UPP2: variants seen among roughly 807,000 people sequenced by gnomAD.
UPP2 encodes the protein UPase 2.
A neutral mutation model predicts 26.7 loss-of-function variants in UPP2; 23 were observed. The observed-to-expected ratio is 0.86, with a 90% CI of 0.62 to 1.22. The LOEUF is 1.22. Ranked by LOEUF, UPP2 falls within the 50% of genes most tolerant of loss-of-function variation. UPP2 has a pLI of 0.00. For missense variants in UPP2, 387 were observed against 396.7 expected (o/e 0.98, Z 0.21); for synonymous variants, 127 against 141.3 (o/e 0.90, Z 0.72).
chr2:158,128,752 C>T (rs1180356771), intron 6 of UPP2, among the ~76,000 whole-genome samples: 1 of 152,124 alleles, frequency 6.6e-6, no homozygotes, highest in African/African-American at 2.4e-5. Context: ...AAAATGTGCA[C>T]CACTAAAAGT....
chr2:158,052,473 T>C (rs945722287), intron 3 of UPP2, among the ~76,000 whole-genome samples: 5 of 152,198 alleles, frequency 3.3e-5, no homozygotes, highest in Non-Finnish European at 7.3e-5. Context: ...TATTATTCCT[T>C]GGAGTAAGGC....
intron 3 of UPP2, among the ~76,000 whole-genome samples, chr2:158,025,545 G>A (rs368724441): frequency 3.2e-4 from 49 of 152,340 alleles, no homozygotes; most frequent in African/African-American, 1.1e-3. Context: ...TCAAGCCTCC[G>A]GGAGGCCGAG....
intron 3 of UPP2, among the ~76,000 whole-genome samples, chr2:158,058,169 T>C (rs1210287532): frequency 6.6e-6 from 1 of 151,758 alleles, no homozygotes. Flanking sequence ...GGCGTGCGCC[T>C]GTAGTCCCAG....
chr2:158,072,022 T>C (rs949434758), intron 3 of UPP2, among the ~76,000 whole-genome samples: 2 of 152,152 alleles, frequency 1.3e-5, no homozygotes, highest in African/African-American at 4.8e-5. Context: ...TCAGGTGGGC[T>C]CTTGGGGACC....
chr2:158,045,220 T>C (rs1416135657), intron 3 of UPP2, among the ~76,000 whole-genome samples: 1 of 152,178 alleles, frequency 6.6e-6, no homozygotes, highest in Non-Finnish European at 1.5e-5. Context: ...AATCAGACCA[T>C]AGAATTCCTC....
chr2:158,108,275 A>C (rs527831569), intron 2 of UPP2, among the ~76,000 whole-genome samples: 11 of 152,124 alleles, frequency 7.2e-5, no homozygotes, highest in Non-Finnish European at 1.6e-4. Context: ...TATTATCTCC[A>C]CTTTACAGAT....
rs187532502 is a variant in UPP2, at chr2:158,120,587, A to T, written c.455-822A>T. ...GGGTAATTATAAAAAGTGTTAGGAC[A>T]GAGAGAGTCTAGGGCATTTATGAAG... is the stretch of plus-strand genomic sequence containing the variant. On this transcript the variant is annotated intron_variant, in intron 4 of 6. Coordinates refer to ENST00000005756, the MANE Select transcript of UPP2 (RefSeq NM_173355.4). 3.3e-5 allele frequency among the ~76,000 whole-genome samples: 5 copies of T among 152,206 alleles called. No homozygotes were observed. In the East Asian group the frequency reaches 9.6e-4, roughly 29 times the overall value.
Position 158,065,887 on chromosome 2 carries a change from T to C in UPP2, c.148-36153T>C, listed in dbSNP as rs1217182908. 4 of 628,308 alleles carry C rather than the reference T, an allele frequency of 6.4e-6. No individual in the cohort carries two copies. The East Asian group carries it at 1.2e-4, about 19-fold the overall frequency. The allele number at this position is 628,308 out of a possible 1,614,324, so 38.9% of individuals were successfully genotyped here. A position where few individuals can be genotyped will look rare whatever the true frequency, so the allele number is the denominator to read the frequency against. On this transcript the variant is annotated intron_variant, in intron 3 of 9. Transcript: ENST00000605860. The stretch of plus-strand genomic sequence containing the variant: ...GGCCTTGGGAGAGCTCCAGTACTTG[T>C]TGCCCTAGCATTAATTGAAGGCAAA...
At chr2:158,084,508 T>C (rs1031063682) in intron 3 of UPP2, among the ~76,000 whole-genome samples, 1 of 152,166 alleles carries the variant, frequency 6.6e-6, no homozygotes, top group South Asian at 2.1e-4. Context: ...TTAAGTCCCA[T>C]CTATTTATCT....
At chr2:158,007,276 G>A (rs1424812062) in intron 2 of UPP2, among the ~76,000 whole-genome samples, 1 of 152,208 alleles carries the variant, frequency 6.6e-6, no homozygotes, top group East Asian at 1.9e-4. Flanking sequence ...AGACAAAGGT[G>A]TTTCCTTTCC....
intron 3 of UPP2, among the ~76,000 whole-genome samples, chr2:158,075,419 G>T (rs1682615140): frequency 6.6e-6 from 1 of 151,770 alleles, no homozygotes; most frequent in South Asian, 2.1e-4. Context: ...ATATCGATAA[G>T]GATAGACCAT....
At chr2:158,116,905 G>C (rs1247519420) in intron 3 of UPP2, among the ~76,000 whole-genome samples, 1 of 152,068 alleles carries the variant, frequency 6.6e-6, no homozygotes, top group Non-Finnish European at 1.5e-5. Context: ...ACCAGAAAGG[G>C]GTAACGCAGA....
intron 2 of UPP2, among the ~76,000 whole-genome samples, chr2:158,110,603 A>G (rs142966580): frequency 5.3e-5 from 8 of 152,280 alleles, no homozygotes; most frequent in African/African-American, 1.9e-4. Flanking sequence ...GTCTTCCACA[A>G]TGGTTGAACT....
At chr2:158,127,923 C>T (rs770507445) in intron 6 of UPP2, 3 of 846,062 alleles carry the variant, frequency 3.5e-6, no homozygotes, top group Non-Finnish European at 4.3e-6. Flanking sequence ...ATGCATTCTC[C>T]TATCACTTTA....
intron 4 of UPP2, among the ~76,000 whole-genome samples, chr2:158,120,225 G>A (rs1207294735): frequency 6.6e-6 from 1 of 151,924 alleles, no homozygotes; most frequent in East Asian, 1.9e-4. Flanking sequence ...GGACAAGACA[G>A]TACATATTTT....
chr2:158,032,915 A>T (rs1434426955), intron 3 of UPP2, among the ~76,000 whole-genome samples: 1 of 151,992 alleles, frequency 6.6e-6, no homozygotes, highest in African/African-American at 2.4e-5. Context: ...ATATCATGGC[A>T]TTTTCCTGAC....
At chr2:158,079,824 CT>C (rs1682692538) in intron 3 of UPP2, among the ~76,000 whole-genome samples, 2 of 151,940 alleles carry the variant, frequency 1.3e-5, no homozygotes, top group African/African-American at 4.8e-5. Context: ...ATTCATTGTT[CT>C]TTTATATAAT....
At chr2:158,090,923 C>T (rs1035142759) in intron 3 of UPP2, among the ~76,000 whole-genome samples, 2 of 152,160 alleles carry the variant, frequency 1.3e-5, no homozygotes, top group South Asian at 4.1e-4. Flanking sequence ...GAACCTGAAA[C>T]TTCTACATTA....
chr2:158,098,523 G>T (rs2105207882), upstream of UPP2, among the ~76,000 whole-genome samples: 1 of 152,256 alleles, frequency 6.6e-6, no homozygotes, highest in East Asian at 1.9e-4. Flanking sequence ...GTAGCCACAG[G>T]TCCCTTATGA....
Sources: allele counts gnomAD v4.1 joint callset (sites outside exome capture counted in the v4.1 genomes callset), GRCh38; gene constraint gnomAD v4.1.1; transcripts MANE v1.5; gene names NCBI Gene and HGNC (gene_info 2026-07-23, HGNC 2026-07-21).